The following KYAT1 variants were observed in gnomAD, a reference collection of about 807,000 sequenced individuals.
KYAT1 encodes the protein kynurenine aminotransferase 1, also known as kynurenine--oxoglutarate transaminase 1.
A neutral mutation model predicts 52.4 loss-of-function variants in KYAT1; 47 were observed. The ratio of observed to expected loss-of-function variants is 0.90; its 90% confidence interval spans 0.71 to 1.14. The LOEUF (loss-of-function observed/expected upper bound fraction) is 1.14, where lower values mean the gene tolerates loss of function less well. Among genes scored for constraint, KYAT1 ranks in the 50% most tolerant of loss-of-function variants. KYAT1 has a pLI of 0.00. For missense variants in KYAT1, 480 were observed against 557.9 expected (o/e 0.86, Z 1.41); for synonymous variants, 212 against 209.6 (o/e 1.01, Z -0.10).
At chr9:128,866,394 G>A (rs748568404) in intron 1 of KYAT1, among the ~76,000 whole-genome samples, 1 of 152,202 alleles carries the variant, frequency 6.6e-6, no homozygotes, top group Non-Finnish European at 1.5e-5. Flanking sequence ...GAGGTCAGGA[G>A]TTTGAGACCA....
Position 128,833,458 on chromosome 9 carries a change from G to C in KYAT1, c.*126C>G, listed in dbSNP as rs137858097. Reference sequence around the variant, plus strand: ...TCCCACCCAGAACATTCTGTGTCACGGAGAAGAGGTTTCCCAATAGCATCT... The same window carrying C: ...TCCCACCCAGAACATTCTGTGTCACCGAGAAGAGGTTTCCCAATAGCATCT... On this transcript the variant is annotated 3_prime_UTR_variant, in exon 13 of 13. Transcript: ENST00000302586. 1,713 of 954,600 alleles carry C rather than the reference G, an allele frequency of 1.8e-3. 3 individuals are homozygous for C. Among genetic ancestry groups the C allele is most frequent in the Non-Finnish European group, 2.5e-3 (1,531 of 610,368 alleles). 59.1% of individuals were successfully genotyped at this position (954,600 alleles called of 1,614,324 possible).
At chr9:128,844,228 T>C (rs760938590) in intron 2 of KYAT1, among the ~76,000 whole-genome samples, 10 of 152,168 alleles carry the variant, frequency 6.6e-5, no homozygotes, top group Non-Finnish European at 8.8e-5. Context: ...TGAATTTGCA[T>C]ACCAATAAAT....
At chr9:128,847,392 A>C in intron 1 of KYAT1, 1 of 1,360,686 alleles carries the variant, frequency 7.3e-7, no homozygotes. Context: ...CAGAAGCCCC[A>C]GGCCATGCAG....
At chr9:128,842,852 G>A (rs1832442700) in intron 2 of KYAT1, 51 bp from the exon 3 acceptor site, 1 of 1,574,522 alleles carries the variant, frequency 6.4e-7, no homozygotes, top group East Asian at 2.3e-5. Flanking sequence ...ATGGTGACCT[G>A]GACTTCGGCC....
intron 1 of KYAT1, among the ~76,000 whole-genome samples, chr9:128,848,538 C>T (rs1182148012): frequency 2.0e-5 from 3 of 152,076 alleles, no homozygotes; most frequent in African/African-American, 7.2e-5. Context: ...CAAATGGGGG[C>T]CAGGCATGGT....
At chr9:128,863,695 G>T (rs1227895232) in intron 1 of KYAT1, among the ~76,000 whole-genome samples, 1 of 152,128 alleles carries the variant, frequency 6.6e-6, no homozygotes, top group Non-Finnish European at 1.5e-5. Context: ...TGGCCAGGTT[G>T]GTTGGGAGCA....
chr9:128,849,889 T>C (rs1219359040), intron 1 of KYAT1, among the ~76,000 whole-genome samples: 2 of 145,856 alleles, frequency 1.4e-5, no homozygotes, highest in Admixed American at 6.8e-5. Flanking sequence ...TCTTCTTTTT[T>C]TTTTTTTTTT....
chr9:128,876,652 C>CTCG (rs2130845646), intron 1 of KYAT1, among the ~76,000 whole-genome samples: 1 of 150,912 alleles, frequency 6.6e-6, no homozygotes, highest in South Asian at 2.1e-4. Context: ...ATCTCCTGAC[C>CTCG]TCGTGATCCG....
rs1831537667 is a variant in KYAT1 at position 128,838,432 on chromosome 9, C to T, written c.202-65G>A. On this transcript the variant is annotated intron_variant, in intron 3 of 12. Coordinates refer to ENST00000302586, the MANE Select transcript of KYAT1 (RefSeq NM_004059.5). ...GGCCCATCCTCCGGCCCAGCTGTATCCAGGCAATTCTAGCACCTTCCAGCA... is the reference window on the plus strand; with the variant it reads ...GGCCCATCCTCCGGCCCAGCTGTATTCAGGCAATTCTAGCACCTTCCAGCA... 12 of 1,596,602 alleles carry T rather than the reference C, an allele frequency of 7.5e-6. No homozygotes were observed. The East Asian group carries it at 2.2e-4, about 30-fold the overall frequency.
At position 128,856,672 on chromosome 9, in the gene KYAT1, G is replaced by A. The variant is rs202121605; in HGVS notation, c.-6-11261C>T. On this transcript the variant is annotated intron_variant, in intron 1 of 12. Coordinates refer to ENST00000302586, the MANE Select transcript of KYAT1 (RefSeq NM_004059.5). ...TCTAGGGCTGTGCAGGATATGCCTT[G>A]TTAACAAAATGTTTACAAGCAGTAT... 2.0e-4 allele frequency among the ~76,000 whole-genome samples: 31 copies of A among 152,322 alleles called. No homozygotes were observed. The East Asian group carries it at 5.8e-3, about 28-fold the overall frequency.
chr9:128,870,138 CA>C (rs1374378711), intron 1 of KYAT1, among the ~76,000 whole-genome samples: 1 of 151,968 alleles, frequency 6.6e-6, no homozygotes, highest in Non-Finnish European at 1.5e-5. Flanking sequence ...GGTATATACC[CA>C]AAAGAACTGA....
chr9:128,835,150 A>C, intron 11 of KYAT1, 173 bp downstream of exon 11: 1 of 638,576 alleles, frequency 1.6e-6, no homozygotes, highest in Non-Finnish European at 2.8e-6. Context: ...AAAAAAAAAA[A>C]GAAAGAAAAA....
chr9:128,855,671 C>T (rs1362155597), intron 1 of KYAT1, among the ~76,000 whole-genome samples: 1 of 152,254 alleles, frequency 6.6e-6, no homozygotes, highest in Admixed American at 6.5e-5. Context: ...GCACCATATT[C>T]TGCCAGTGAG....
chr9:128,839,491 C>T (rs867935405), intron 3 of KYAT1, among the ~76,000 whole-genome samples: 1 of 152,054 alleles, frequency 6.6e-6, no homozygotes, highest in Non-Finnish European at 1.5e-5. Flanking sequence ...GGCATGGTGG[C>T]GGGCACCTGT....
chr9:128,843,770 T>C (rs768448754), intron 2 of KYAT1, among the ~76,000 whole-genome samples: 4 of 152,204 alleles, frequency 2.6e-5, no homozygotes, highest in Non-Finnish European at 4.4e-5. Flanking sequence ...TGCAGTATTT[T>C]CTGTCCTGTC....
intron 1 of KYAT1, among the ~76,000 whole-genome samples, chr9:128,876,082 G>A (rs1837987509): frequency 6.6e-6 from 1 of 152,066 alleles, no homozygotes; most frequent in Non-Finnish European, 1.5e-5. Context: ...ATCCAGGCTT[G>A]GCAGCCTCCA....
chr9:128,876,105 T>TTAC (rs1342569307), intron 1 of KYAT1, among the ~76,000 whole-genome samples: 4 of 152,182 alleles, frequency 2.6e-5, no homozygotes, highest in Non-Finnish European at 1.5e-5. Context: ...TTCCCTCCCT[T>TTAC]TACTCTTTTT....
intron 1 of KYAT1, among the ~76,000 whole-genome samples, chr9:128,856,376 A>C (rs1250568716): frequency 6.6e-6 from 1 of 152,210 alleles, no homozygotes; most frequent in Non-Finnish European, 1.5e-5. Flanking sequence ...TGTATCCAGC[A>C]GCTCCAGAGA....
chr9:128,842,309 C>A, intron 3 of KYAT1: 1 of 205,484 alleles, frequency 4.9e-6, no homozygotes. Context: ...AGTAGCTCAT[C>A]TTTCAGGACT....
Sources: allele counts gnomAD v4.1 joint callset (sites outside exome capture counted in the v4.1 genomes callset), GRCh38; gene constraint gnomAD v4.1.1; transcripts MANE v1.5; gene names NCBI Gene and HGNC (gene_info 2026-07-23, HGNC 2026-07-21).